The following C1QTNF5 variants were observed in gnomAD, a reference collection of about 807,000 sequenced individuals.
C1QTNF5 encodes C1q and TNF related 5, also known as complement C1q tumor necrosis factor-related protein 5.
A neutral mutation model predicts 10.9 loss-of-function variants in C1QTNF5; 5 were observed. The observed-to-expected ratio is 0.46, with a 90% confidence interval of 0.24 to 0.97. The LOEUF (loss-of-function observed/expected upper bound fraction) is 0.97. Among genes scored for constraint, C1QTNF5 ranks in the 50% least tolerant of loss-of-function variants. The pLI is 0.19. For missense variants in C1QTNF5, 281 were observed against 339.4 expected, an observed-to-expected ratio of 0.83 and a Z score of 1.35; for synonymous variants, 161 against 156.5, an observed-to-expected ratio of 1.03 and a Z score of -0.22.
At chr11:119,341,721 G>A (rs1249804894), upstream of C1QTNF5, 1 of 1,613,184 alleles carries the variant, frequency 6.2e-7, no homozygotes, top group Admixed American at 1.7e-5. Context: ...GGCACAAGCA[G>A]CCCACACAGG....
At chr11:119,341,535 G>C, upstream of C1QTNF5, 1 of 1,607,300 alleles carries the variant, frequency 6.2e-7, no homozygotes, top group Non-Finnish European at 8.5e-7. Flanking sequence ...GAGGGCAGGG[G>C]CCGGCTTCAG....
At chr11:119,345,920 C>A (rs926472743), upstream of C1QTNF5, 1 of 1,613,690 alleles carries the variant, frequency 6.2e-7, no homozygotes, top group Non-Finnish European at 8.5e-7. Context: ...GGGGGTGCAG[C>A]CTGCAGCTCT....
At chr11:119,345,388 C>T (rs371440330), upstream of C1QTNF5, 115 of 1,596,384 alleles carry the variant, frequency 7.2e-5, no homozygotes, top group Middle Eastern at 3.3e-4. Context: ...GTTCAGGACA[C>T]GGTGGGATGT....
chr11:119,345,912 G>T (rs768821463), upstream of C1QTNF5: 5 of 1,613,730 alleles, frequency 3.1e-6, no homozygotes, highest in Non-Finnish European at 4.2e-6. Flanking sequence ...CCCCAGATGG[G>T]GGTGCAGCCT....
upstream of C1QTNF5, among the ~76,000 whole-genome samples, chr11:119,343,663 G>C (rs535289403): frequency 8.5e-4 from 129 of 152,272 alleles, 1 homozygote; most frequent in African/African-American, 3.0e-3. Context: ...TTTGAGGTGA[G>C]AGCTGTCTTT....
upstream of C1QTNF5, chr11:119,342,932 T>C: frequency 4.3e-6 from 7 of 1,612,838 alleles, no homozygotes; most frequent in Non-Finnish European, 5.9e-6. Context: ...GATGCCATGA[T>C]CTGTCCTAAA....
At position 119,339,400 on chromosome 11, in the gene C1QTNF5, G is replaced by A. The variant is rs745716719; in HGVS notation, c.663C>T (p.Ile221=). The A allele has an allele frequency of 1.2e-5, 19 of 1,613,372 alleles. No homozygotes were observed. The highest frequency in any genetic ancestry group is 1.5e-5 in the Non-Finnish European group (18 of 1,179,442). The change falls in exon 3 of 3, where the codon ATC becomes ATT. Residue 221 remains isoleucine, a synonymous_variant. Transcript: ENST00000528368. This position sits in a 1 kb window ranked among gnomAD's most constrained non-coding sequence, Gnocchi z 5.4. ...VGDYIGIYAS[I]KTDSTFSGFL... is the part of the protein sequence containing the mutation. ...ATCCGGAGAAGGTGCTGTCTGTCTT[G>A]ATGCTGGCATAGATGCCAATGTAGT...
In C1QTNF5 at chr11:119,339,990, C is replaced by T. The variant is rs1316517186; in HGVS notation, c.215-142G>A. 37 of 1,306,908 alleles carry T rather than the reference C, an allele frequency of 2.8e-5. No individual in the cohort carries two copies. The highest frequency in any genetic ancestry group is 3.2e-5 in the Non-Finnish European group (32 of 996,016). 81.0% of individuals were successfully genotyped at this position (1,306,908 alleles called of 1,614,324 possible). A position where few individuals can be genotyped will look rare whatever the true frequency, so the allele number is the denominator to read the frequency against. On this transcript the variant is annotated intron_variant, in intron 2 of 2. Transcript: ENST00000528368. This position sits in a 1 kb window ranked among gnomAD's most constrained non-coding sequence, Gnocchi z 5.4. ...CCTCCCGCACGGGTACCTCCTCCAC[C>T]CCTTCCCGCAGGGCAGATCTGGGGG...
rs1202480487 is a variant in C1QTNF5, at chr11:119,340,304, G to C, written c.94C>G (p.Pro32Ala). The C allele has an allele frequency of 1.3e-6, 2 of 1,536,288 alleles. No homozygotes were observed. The highest frequency in any genetic ancestry group is 1.8e-6 in the Non-Finnish European group (2 of 1,142,596). Residue 32 changes from proline (P) to alanine (A), a missense_variant, in exon 2 of 3, where the codon CCC becomes GCC. Transcript: ENST00000528368. ...NKIPSLCPGH[P>A]GLPGTPGHHG... ...TGGCCCGGCGTGCCTGGAAGGCCGG[G>C]GTGCCCCGGGCAGAGGCTGGGGATC...
At chr11:119,343,729 G>T, upstream of C1QTNF5, 2 of 1,535,242 alleles carry the variant, frequency 1.3e-6, no homozygotes, top group Non-Finnish European at 1.8e-6. Context: ...TGAAGCTGGA[G>T]AATGGAATGT....
At chr11:119,342,545 TGTGAG>T, upstream of C1QTNF5, 1 of 1,607,626 alleles carries the variant, frequency 6.2e-7, no homozygotes, top group Non-Finnish European at 8.5e-7. Context: ...AGTAGGGTTC[TGTGAG>T]GTGGGCACCC....
chr11:119,342,132 TACAC>T, upstream of C1QTNF5: 2 of 960,932 alleles, frequency 2.1e-6, no homozygotes, highest in Admixed American at 4.3e-5. Context: ...AGACAGGCTG[TACAC>T]ACTCTGAGGA....
At chr11:119,343,519 A>G (rs144684584), upstream of C1QTNF5, among the ~76,000 whole-genome samples, 222 of 152,286 alleles carry the variant, frequency 1.5e-3, 2 homozygotes, top group African/African-American at 5.3e-3. Flanking sequence ...TCTGCCTCAA[A>G]AAAAGAAGAA....
chr11:119,345,861 G>A, upstream of C1QTNF5: 3 of 1,613,866 alleles, frequency 1.9e-6, no homozygotes, highest in Non-Finnish European at 2.5e-6. Context: ...GGGTGGTGGT[G>A]GTCGTGGTAA....
upstream of C1QTNF5, chr11:119,344,642 G>C (rs762273500): frequency 6.2e-7 from 1 of 1,613,914 alleles, no homozygotes; most frequent in African/African-American, 1.3e-5. Flanking sequence ...CCGAGAACTT[G>C]GCACTGCAAT....
At chr11:119,345,082 G>T, upstream of C1QTNF5, 1 of 1,540,442 alleles carries the variant, frequency 6.5e-7, no homozygotes, top group Non-Finnish European at 8.8e-7. Flanking sequence ...GGGCCTTGCA[G>T]TCCTATTTTC....
In C1QTNF5 at chr11:119,339,064, A is replaced by G; in HGVS notation, c.*267T>C. ...AGAGCACCCCACCGTGGGCTCCTGG[A>G]CCAGAGCAACTGGGGGACTTACACT... On this transcript the variant is annotated 3_prime_UTR_variant, in exon 3 of 3. Coordinates refer to ENST00000528368, the MANE Select transcript of C1QTNF5 (RefSeq NM_001278431.2). The surrounding 1 kb of genome is among the most constrained non-coding windows in gnomAD (Gnocchi z 5.4). 2.2e-6 allele frequency: 1 copy of G among 454,324 alleles called. No homozygotes were observed. The highest frequency in any genetic ancestry group is 3.9e-6 in the Non-Finnish European group (1 of 254,590). 28.1% of individuals were successfully genotyped at this position (454,324 alleles called of 1,614,324 possible).
upstream of C1QTNF5, among the ~76,000 whole-genome samples, chr11:119,345,252 G>A (rs1447450927): frequency 6.6e-6 from 1 of 152,244 alleles, no homozygotes; most frequent in Non-Finnish European, 1.5e-5. Context: ...TGAGAGAGGG[G>A]AAGTGATCTT....
Position 119,339,983 on chromosome 11 carries a change from C to T in C1QTNF5, c.215-135G>A. 7.6e-7 allele frequency: 1 copy of T among 1,311,028 alleles called. No homozygotes were observed. The highest frequency in any genetic ancestry group is 1.0e-6 in the Non-Finnish European group (1 of 999,376). The allele number at this position is 1,311,028 out of a possible 1,614,324, so 81.2% of individuals were successfully genotyped here. On this transcript the variant is annotated intron_variant, in intron 2 of 2. Coordinates refer to ENST00000528368, the MANE Select transcript of C1QTNF5 (RefSeq NM_001278431.2). The surrounding 1 kb of genome is among the most constrained non-coding windows in gnomAD (Gnocchi z 5.4). ...AGCGCCTCCTCCCGCACGGGTACCT[C>T]CTCCACCCCTTCCCGCAGGGCAGAT... is the stretch of plus-strand genomic sequence containing the variant.
Sources: allele counts gnomAD v4.1 joint callset (sites outside exome capture counted in the v4.1 genomes callset), GRCh38; gene constraint gnomAD v4.1.1; non-coding constraint Gnocchi (gnomAD v3.1); transcripts MANE v1.5; gene names NCBI Gene and HGNC (gene_info 2026-07-23, HGNC 2026-07-21).